Variants in ZBED6 observed in about 807,000 individuals in gnomAD.
The protein encoded by ZBED6 is zinc finger BED domain-containing protein 6.
In ZBED6, 40 loss-of-function variants were observed where a neutral mutation model predicts 58.4. That is an observed-to-expected ratio of 0.68 (90% CI 0.53 to 0.89). The LOEUF (loss-of-function observed/expected upper bound fraction) is 0.89, where lower values mean the gene tolerates loss of function less well. Ranked by LOEUF, ZBED6 falls within the 40% of genes least tolerant of loss-of-function variation. ZBED6 has a pLI of 0.00. For missense variants in ZBED6, 1,057 were observed against 1,003.9 expected, an observed-to-expected ratio of 1.05 and a Z score of -0.71; for synonymous variants, 439 against 350.6, an observed-to-expected ratio of 1.25 and a Z score of -2.82.
chr1:203,829,438 T>C lies in ZBED6; in HGVS notation c.*2998-13T>C. On this transcript the variant is annotated splice_polypyrimidine_tract_variant and intron_variant, in intron 4 of 16. Coordinates refer to ENST00000550078, the Ensembl canonical transcript of ZBED6. ...CTTCTGTTTTTAATTTATGACTGAT[T>C]TTGTGCGTTTAGCTGTGTTGCCCAC... 6.2e-7 allele frequency: 1 copy of C among 1,613,814 alleles called. No individual in the cohort carries two copies. The highest frequency in any genetic ancestry group is 1.7e-5 in the Admixed American group (1 of 60,004).
intron 3 of ZBED6, among the ~76,000 whole-genome samples, chr1:203,820,107 C>T (rs953348931): frequency 3.3e-5 from 5 of 151,652 alleles, no homozygotes; most frequent in Non-Finnish European, 5.9e-5. Flanking sequence ...TGGTGGCACG[C>T]GTCTGTAATC....
chr1:203,846,723 C>G (rs1688000897), intron 11 of ZBED6, among the ~76,000 whole-genome samples: 1 of 152,146 alleles, frequency 6.6e-6, no homozygotes, highest in Non-Finnish European at 1.5e-5. Context: ...ATTTATCCAA[C>G]TAGTAAATGG....
chr1:203,805,034 GTAAA>G (rs913193787), intron 1 of ZBED6, among the ~76,000 whole-genome samples: 9 of 151,536 alleles, frequency 5.9e-5, no homozygotes, highest in Non-Finnish European at 1.3e-4. Flanking sequence ...AAAAAATTGA[GTAAA>G]TAAATGTCCT....
At chr1:203,853,661 C>T (rs1689683121) in exon 17 of ZBED6, 3 of 152,620 alleles carry the variant, frequency 2.0e-5, no homozygotes, top group African/African-American at 7.2e-5. Context: ...ATGTTGGCTC[C>T]TAAGGAACTG....
rs546516988 is a variant in ZBED6 at position 203,831,070 on chromosome 1, G to A, written c.*3400-591G>A. Among the ~76,000 whole-genome samples, 9 of 150,230 alleles carry A rather than the reference G, an allele frequency of 6.0e-5. No homozygotes were observed. In the South Asian group the frequency reaches 8.4e-4, roughly 14 times the overall value. ...AGCTATTCTGCTGCCTCAGCCTCCT[G>A]AGTAGCTGGGATTACAGGCATGCGC... is the stretch of plus-strand genomic sequence containing the variant. On this transcript the variant is annotated intron_variant, in intron 7 of 16. Transcript: ENST00000550078.
Position 203,831,705 on chromosome 1 carries a change from G to A in ZBED6, c.*3444G>A, listed in dbSNP as rs779675915. 17 of 1,613,088 alleles carry A rather than the reference G, an allele frequency of 1.1e-5. No individual in the cohort carries two copies. The highest frequency in any genetic ancestry group is 3.3e-5 in the South Asian group (3 of 90,754). On this transcript the variant is annotated 3_prime_UTR_variant, in exon 8 of 17. Transcript: ENST00000550078. ...CAGTCTTTTACTCCACCCTGAGCCC[G>A]TTCCAGGTCCTGAAAAAGAAAATGT...
exon 2 of ZBED6, chr1:203,817,068 A>G: frequency 1.2e-6 from 2 of 1,606,952 alleles, no homozygotes; most frequent in South Asian, 1.1e-5. Context: ...GAATCTACCC[A>G]GCATGCCTAA....
At chr1:203,817,712 T>A (rs1163148861) in intron 2 of ZBED6, among the ~76,000 whole-genome samples, 1 of 152,042 alleles carries the variant, frequency 6.6e-6, no homozygotes, top group Non-Finnish European at 1.5e-5. Flanking sequence ...TCTATAAACG[T>A]ATATGTTAAA....
Position 203,827,473 on chromosome 1 carries a change from G to C in ZBED6, c.*2874-826G>C, listed in dbSNP as rs1438641570. ...AGGCGGGCGGATCACGAGGTCAGGA[G>C]ATCAAGACCATCCTGGCTAACATGG... On this transcript the variant is annotated intron_variant, in intron 3 of 16. Transcript: ENST00000550078. Among the ~76,000 whole-genome samples, 6 of 151,518 alleles carry C rather than the reference G, an allele frequency of 4.0e-5. No homozygotes were observed. In the South Asian group the frequency reaches 1.3e-3, roughly 32 times the overall value.
At chr1:203,815,801 T>C (rs1183930524) in intron 1 of ZBED6, among the ~76,000 whole-genome samples, 1 of 152,180 alleles carries the variant, frequency 6.6e-6, no homozygotes, top group Non-Finnish European at 1.5e-5. Flanking sequence ...AGATCACTAT[T>C]TCTGAAACCT....
intron 1 of ZBED6, among the ~76,000 whole-genome samples, chr1:203,808,788 AT>A (rs1303418733): frequency 1.3e-5 from 2 of 152,084 alleles, no homozygotes; most frequent in Non-Finnish European, 2.9e-5. Context: ...CGTCGTCGTC[AT>A]CGCCATCTTC....
intron 1 of ZBED6, among the ~76,000 whole-genome samples, chr1:203,807,002 T>A (rs1672634768): frequency 6.6e-6 from 1 of 152,044 alleles, no homozygotes; most frequent in Non-Finnish European, 1.5e-5. Context: ...TGTTAACCCA[T>A]TCCTAGTCCC....
chr1:203,827,396 A>G (rs12125583), intron 3 of ZBED6, among the ~76,000 whole-genome samples: 81,414 of 149,182 alleles, frequency 0.55, 22,284 homozygotes, highest in African/African-American at 0.62. Flanking sequence ...AAGTAAGGTG[A>G]CTGGCCGGGT....
intron 4 of ZBED6, 43 bp downstream of exon 4, chr1:203,828,465 C>T (rs777715401): frequency 9.0e-6 from 14 of 1,562,432 alleles, no homozygotes; most frequent in Non-Finnish European, 1.1e-5. Flanking sequence ...AAATGAACAC[C>T]TATTATGCAC....
At chr1:203,820,630 A>C (rs1445642435) in intron 3 of ZBED6, among the ~76,000 whole-genome samples, 1 of 151,886 alleles carries the variant, frequency 6.6e-6, no homozygotes, top group Non-Finnish European at 1.5e-5. Flanking sequence ...GGCATGCCTC[A>C]CCACACCCGT....
chr1:203,829,912 A>G lies in ZBED6; in HGVS notation c.*3318+16A>G, dbSNP rs757556536. On this transcript the variant is annotated intron_variant, in intron 6 of 16. Coordinates refer to ENST00000550078, the Ensembl canonical transcript of ZBED6. ...ATAAAGCAAGGTAAGAAGAGGCTAG[A>G]TTGGTGCCTCTTATAGCACTGTTGA... 16 of 1,604,910 alleles carry G rather than the reference A, an allele frequency of 1.0e-5. 1 individual carries two copies. The South Asian group carries it at 1.1e-4, about 11-fold the overall frequency.
chr1:203,799,918 T>G (rs184511491), exon 1 of ZBED6: 3 of 1,536,058 alleles, frequency 2.0e-6, no homozygotes, highest in Admixed American at 2.0e-5. Context: ...GCAGAAGAGG[T>G]CTGTAATTAT....
At chr1:203,809,922 C>T (rs1673765777) in intron 1 of ZBED6, among the ~76,000 whole-genome samples, 2 of 152,042 alleles carry the variant, frequency 1.3e-5, no homozygotes, top group Non-Finnish European at 2.9e-5. Context: ...CAACTGCACT[C>T]CAGGTTTGGG....
chr1:203,806,692 C>A (rs1672458869), intron 1 of ZBED6, among the ~76,000 whole-genome samples: 1 of 152,104 alleles, frequency 6.6e-6, no homozygotes, highest in Non-Finnish European at 1.5e-5. Flanking sequence ...CCTTTTTTCG[C>A]TTATCTTGAG....
Sources: allele counts gnomAD v4.1 joint callset (sites outside exome capture counted in the v4.1 genomes callset), GRCh38; gene constraint gnomAD v4.1.1; transcripts MANE v1.5; gene names NCBI Gene and HGNC (gene_info 2026-07-23, HGNC 2026-07-21).